The following DLG2 variants were observed in gnomAD, a reference collection of about 807,000 sequenced individuals.
DLG2 encodes disks large homolog 2.
Under a neutral mutation model 132.5 loss-of-function variants are expected in DLG2, and 45 were observed. The ratio of observed to expected loss-of-function variants is 0.34; its 90% CI spans 0.27 to 0.44. The LOEUF (loss-of-function observed/expected upper bound fraction) is 0.44. Among genes scored for constraint, DLG2 ranks in the 20% least tolerant of loss-of-function variants. The pLI, the probability that DLG2 is intolerant of heterozygous loss-of-function variation, is 1.00. For missense variants in DLG2, 1,045 were observed against 1,196.9 expected (o/e 0.87, Z 1.87); for synonymous variants, 424 against 419.6 (o/e 1.01, Z -0.13).
At chr11:84,131,787 G>A (rs1354770284) in intron 9 of DLG2, among the ~76,000 whole-genome samples, 1 of 151,910 alleles carries the variant, frequency 6.6e-6, no homozygotes, top group Non-Finnish European at 1.5e-5. Flanking sequence ...AAAGTCACCA[G>A]TCACTATTGA....
chr11:83,769,144 A>T (rs2094273024), intron 18 of DLG2, among the ~76,000 whole-genome samples: 1 of 152,138 alleles, frequency 6.6e-6, no homozygotes, highest in Non-Finnish European at 1.5e-5. Flanking sequence ...CCTTGAACCC[A>T]GTTCATTCCT....
chr11:83,724,476 T>TGTGTGAGAGAGAGA lies in DLG2; in HGVS notation c.1825+62213_1825+62214insTCTCTCTCTCACAC, dbSNP rs762050933. ...CTCTCTCCGTGTGTGTGTGTGTGTGTGAGAGAGAGAGAGAGAGAGAGAGAG... is the reference window on the plus strand; with the variant it reads ...CTCTCTCCGTGTGTGTGTGTGTGTGTGTGTGAGAGAGAGAGAGAGAGAGAGAGAGAGAGAGAGAG... On this transcript the variant is annotated intron_variant, in intron 18 of 27. Coordinates refer to ENST00000376104, the MANE Select transcript of DLG2 (RefSeq NM_001142699.3). Among the ~76,000 whole-genome samples the TGTGTGAGAGAGAGA allele has an allele frequency of 6.9e-3, 810 of 118,166 alleles. 5 individuals are homozygous for TGTGTGAGAGAGAGA. The highest frequency in any genetic ancestry group is 0.01 in the Non-Finnish European group (565 of 55,370). 77.5% of individuals were successfully genotyped at this position (118,166 alleles called of 152,430 possible).
intron 19 of DLG2, among the ~76,000 whole-genome samples, chr11:83,583,601 T>A (rs2097022518): frequency 1.3e-5 from 2 of 152,350 alleles, no homozygotes; most frequent in African/African-American, 4.8e-5. Context: ...CAGGGCTTCC[T>A]TTTTGGGTTA....
chr11:84,734,701 T>A (rs879758998), intron 6 of DLG2, among the ~76,000 whole-genome samples: 10 of 152,172 alleles, frequency 6.6e-5, no homozygotes, highest in Non-Finnish European at 1.3e-4. Flanking sequence ...AGAGAGGGCA[T>A]CCCTGTCTTG....
At chr11:84,095,809 A>G (rs2097157800) in intron 10 of DLG2, among the ~76,000 whole-genome samples, 1 of 152,106 alleles carries the variant, frequency 6.6e-6, no homozygotes, top group African/African-American at 2.4e-5. Context: ...GATTGGGGAG[A>G]AGGTGAATTT....
At chr11:83,665,533 C>T (rs1004479279) in intron 18 of DLG2, among the ~76,000 whole-genome samples, 2 of 152,168 alleles carry the variant, frequency 1.3e-5, no homozygotes, top group African/African-American at 2.4e-5. Context: ...CAGGGATGAC[C>T]TGAGGGATTC....
At chr11:84,584,674 C>CTTTTTT (rs71036428) in intron 6 of DLG2, among the ~76,000 whole-genome samples, 6 of 55,854 alleles carry the variant, frequency 1.1e-4, no homozygotes, top group Non-Finnish European at 1.5e-4. Flanking sequence ...CCCAGCATTC[C>CTTTTTT]TTTTTTTTTT....
chr11:84,200,744 T>C (rs1044614515), intron 8 of DLG2, among the ~76,000 whole-genome samples: 1 of 152,178 alleles, frequency 6.6e-6, no homozygotes, highest in African/African-American at 2.4e-5. Flanking sequence ...TTTGGCTTTC[T>C]GCTTGCCTGT....
At chr11:84,220,358 T>C (rs1177095196) in intron 8 of DLG2, among the ~76,000 whole-genome samples, 2 of 152,216 alleles carry the variant, frequency 1.3e-5, no homozygotes, top group Non-Finnish European at 2.9e-5. Context: ...TACTCACTGC[T>C]TCACACAGAA....
At chr11:85,591,211 A>C (rs1370280411) in intron 3 of DLG2, among the ~76,000 whole-genome samples, 1 of 152,188 alleles carries the variant, frequency 6.6e-6, no homozygotes, top group Non-Finnish European at 1.5e-5. Context: ...GCCGTTTAAC[A>C]AAGGGAATTA....
chr11:85,465,768 G>C (rs578257450), intron 3 of DLG2, among the ~76,000 whole-genome samples: 1 of 152,056 alleles, frequency 6.6e-6, no homozygotes, highest in South Asian at 2.1e-4. Flanking sequence ...ATAAACATAT[G>C]TGTGCATGTG....
At chr11:83,791,038 C>T in intron 17 of DLG2, 1 of 740,824 alleles carries the variant, frequency 1.3e-6, no homozygotes. Flanking sequence ...CACGCGGTCT[C>T]AGACTGAAGG....
intron 3 of DLG2, among the ~76,000 whole-genome samples, chr11:85,477,188 A>G (rs1283157174): frequency 6.6e-6 from 1 of 152,208 alleles, no homozygotes; most frequent in African/African-American, 2.4e-5. Flanking sequence ...TCATAATAAA[A>G]TGTTGAACAT....
At chr11:83,618,509 A>G (rs1409397332) in intron 19 of DLG2, among the ~76,000 whole-genome samples, 2 of 152,206 alleles carry the variant, frequency 1.3e-5, no homozygotes, top group African/African-American at 4.8e-5. Context: ...TAAACTTTAA[A>G]TGAGTATTTC....
intron 6 of DLG2, among the ~76,000 whole-genome samples, chr11:85,037,532 CA>C (rs1181643888): frequency 2.0e-5 from 3 of 152,102 alleles, no homozygotes; most frequent in Non-Finnish European, 4.4e-5. Flanking sequence ...AGTATAATGA[CA>C]GCAAAGAATT....
chr11:83,688,655 AT>A (rs1348189385), intron 18 of DLG2, among the ~76,000 whole-genome samples: 1 of 152,224 alleles, frequency 6.6e-6, no homozygotes, highest in Admixed American at 6.5e-5. Flanking sequence ...ACATAAGTAT[AT>A]ATAGAAATTA....
chr11:84,538,702 G>C (rs1466145326), intron 6 of DLG2, among the ~76,000 whole-genome samples: 1 of 152,024 alleles, frequency 6.6e-6, no homozygotes, highest in South Asian at 2.1e-4. Context: ...TGAAGCTTGG[G>C]ATGTAAGGTA....
intron 6 of DLG2, among the ~76,000 whole-genome samples, chr11:84,597,959 G>A (rs532271406): frequency 1.1e-4 from 16 of 152,302 alleles, no homozygotes; most frequent in African/African-American, 3.1e-4. Context: ...TGAGAATAGT[G>A]CTTAATCAAT....
chr11:84,181,033 T>TA (rs1362255352), intron 8 of DLG2, among the ~76,000 whole-genome samples: 5 of 152,030 alleles, frequency 3.3e-5, no homozygotes, highest in Non-Finnish European at 4.4e-5. Flanking sequence ...AGTTTTATTT[T>TA]TCTTAATCTA....
Sources: allele counts gnomAD v4.1 joint callset (sites outside exome capture counted in the v4.1 genomes callset), GRCh38; gene constraint gnomAD v4.1.1; transcripts MANE v1.5; gene names NCBI Gene and HGNC (gene_info 2026-07-23, HGNC 2026-07-21).